UTRN: variants seen among roughly 807,000 people sequenced by gnomAD.
UTRN encodes utrophin, also known as dystrophin-related protein 1.
UTRN carries 283 observed loss-of-function variants against 463.9 expected under a neutral mutation model. That is an observed-to-expected ratio of 0.61 (90% CI 0.55 to 0.67). The LOEUF is 0.67. Ranked by LOEUF, UTRN falls within the 30% of genes least tolerant of loss-of-function variation. UTRN has a pLI of 0.00. For synonymous variants in UTRN, 1,442 were observed against 1,431.5 expected (o/e 1.01, Z -0.17); for missense variants, 3,922 against 4,084.3 (o/e 0.96, Z 1.08).
chr6:144,809,878 T>C (rs550132336), intron 65 of UTRN, among the ~76,000 whole-genome samples: 1 of 152,248 alleles, frequency 6.6e-6, no homozygotes, highest in South Asian at 2.1e-4. Context: ...TTGAGGCTCC[T>C]GTAACAAAAG....
In UTRN at chr6:144,498,874, T is replaced by C. The variant is rs568823633; in HGVS notation, c.4594-383T>C. 2.0e-5 allele frequency among the ~76,000 whole-genome samples: 3 copies of C among 152,296 alleles called. No homozygotes were observed. The South Asian group carries it at 6.2e-4, about 32-fold the overall frequency. On this transcript the variant is annotated intron_variant, in intron 33 of 74. Transcript: ENST00000367545. ...TTTCATTTTGTAGAAAATGAGGTCATGTTTCCCAGGCTGGTCTTAAACTCT... is the reference window on the plus strand; with the variant it reads ...TTTCATTTTGTAGAAAATGAGGTCACGTTTCCCAGGCTGGTCTTAAACTCT...
intron 73 of UTRN, among the ~76,000 whole-genome samples, chr6:144,845,032 G>T (rs1040237256): frequency 1.8e-4 from 27 of 152,164 alleles, no homozygotes; most frequent in African/African-American, 6.3e-4. Flanking sequence ...TTTTAACTGT[G>T]TCTACACATT....
chr6:144,635,902 G>C (rs1008814995), intron 51 of UTRN, among the ~76,000 whole-genome samples: 8 of 151,848 alleles, frequency 5.3e-5, no homozygotes, highest in Admixed American at 1.3e-4. Context: ...TTTAAACCTA[G>C]TCATTCTTTC....
intron 50 of UTRN, 98 bp from the exon 51 acceptor site, chr6:144,577,001 T>TG (rs1801500548): frequency 1.7e-6 from 2 of 1,186,762 alleles, no homozygotes; most frequent in Non-Finnish European, 2.4e-6. Flanking sequence ...AAAGGTCCTT[T>TG]GGGGGCTGCC....
intron 51 of UTRN, among the ~76,000 whole-genome samples, chr6:144,606,545 T>C (rs1462304323): frequency 6.6e-6 from 1 of 152,228 alleles, no homozygotes; most frequent in Non-Finnish European, 1.5e-5. Flanking sequence ...TGCCTTGTAT[T>C]ATATTAAAAA....
chr6:144,590,533 T>C (rs1170040974), intron 51 of UTRN, among the ~76,000 whole-genome samples: 4 of 152,092 alleles, frequency 2.6e-5, no homozygotes, highest in Non-Finnish European at 5.9e-5. Flanking sequence ...AAATAAGAAA[T>C]ATGTATATAT....
intron 49 of UTRN, among the ~76,000 whole-genome samples, chr6:144,556,837 G>T (rs562386345): frequency 2.6e-5 from 4 of 152,182 alleles, no homozygotes; most frequent in African/African-American, 4.8e-5. Flanking sequence ...ACGCATGTCC[G>T]TGTAAGGATC....
chr6:144,374,878 G>A (rs757536043), intron 2 of UTRN, among the ~76,000 whole-genome samples: 10 of 150,752 alleles, frequency 6.6e-5, no homozygotes, highest in Non-Finnish European at 1.2e-4. Flanking sequence ...CCTGGGAGGC[G>A]GAGGTTGCAG....
At chr6:144,710,525 T>C (rs1785565041) in intron 53 of UTRN, among the ~76,000 whole-genome samples, 1 of 151,058 alleles carries the variant, frequency 6.6e-6, no homozygotes. Flanking sequence ...TGTTGATCCT[T>C]AATTAAATGT....
intron 50 of UTRN, among the ~76,000 whole-genome samples, chr6:144,566,446 A>G (rs1460319463): frequency 6.6e-6 from 1 of 152,164 alleles, no homozygotes; most frequent in Admixed American, 6.5e-5. Flanking sequence ...AATGAAGAAG[A>G]ATGCAGATGG....
At chr6:144,461,525 A>G (rs1584881070) in intron 22 of UTRN, among the ~76,000 whole-genome samples, 183 bp downstream of exon 22, 1 of 152,224 alleles carries the variant, frequency 6.6e-6, no homozygotes, top group Non-Finnish European at 1.5e-5. Flanking sequence ...CAGTTATTAA[A>G]AATTTTTTCA....
chr6:144,814,186 G>T (rs1243168009), intron 65 of UTRN, among the ~76,000 whole-genome samples: 1 of 152,164 alleles, frequency 6.6e-6, no homozygotes, highest in East Asian at 1.9e-4. Flanking sequence ...GGATGGAGCT[G>T]TCATAAATGA....
chr6:144,519,816 C>T (rs1467736734), intron 39 of UTRN, among the ~76,000 whole-genome samples: 1 of 152,168 alleles, frequency 6.6e-6, no homozygotes, highest in Non-Finnish European at 1.5e-5. Flanking sequence ...ACTAACCTCC[C>T]TAGTTTATTC....
intron 51 of UTRN, among the ~76,000 whole-genome samples, chr6:144,593,189 A>G (rs9376826): frequency 0.067 from 10,153 of 152,244 alleles, 958 homozygotes; most frequent in East Asian, 0.52. Context: ...CAATGAACAA[A>G]GAATTGAACA....
intron 66 of UTRN, among the ~76,000 whole-genome samples, chr6:144,824,588 A>T (rs1477481461): frequency 7.1e-4 from 27 of 37,882 alleles, no homozygotes; most frequent in African/African-American, 3.8e-3. Context: ...ATATATATAT[A>T]TATATATATA....
chr6:144,726,070 G>T (rs907602642), intron 53 of UTRN, among the ~76,000 whole-genome samples: 3 of 152,032 alleles, frequency 2.0e-5, no homozygotes, highest in African/African-American at 7.2e-5. Context: ...GTTTAATGTG[G>T]TTAGGAAGCA....
At chr6:144,520,556 T>C (rs977387239) in intron 39 of UTRN, among the ~76,000 whole-genome samples, 1 of 152,230 alleles carries the variant, frequency 6.6e-6, no homozygotes, top group Admixed American at 6.5e-5. Flanking sequence ...AAGAAATGTA[T>C]AGACCTGCTT....
intron 19 of UTRN, among the ~76,000 whole-genome samples, chr6:144,458,271 C>T (rs949795840): frequency 1.3e-5 from 2 of 152,192 alleles, no homozygotes; most frequent in African/African-American, 4.8e-5. Context: ...CAGGTTGCTT[C>T]CCAGCATAAG....
intron 23 of UTRN, among the ~76,000 whole-genome samples, chr6:144,471,770 G>A (rs145768229): frequency 1.3e-5 from 2 of 152,304 alleles, no homozygotes; most frequent in East Asian, 3.9e-4. Context: ...AGTGTGCAAT[G>A]GAACTGAAAG....
Sources: gnomAD v4.1 joint callset for allele counts (sites outside exome capture counted in the v4.1 genomes callset) on GRCh38, gnomAD v4.1.1 for gene constraint, MANE v1.5 for transcripts, NCBI Gene and HGNC (gene_info 2026-07-23, HGNC 2026-07-21) for gene names.